Variants in DLGAP2 observed in about 807,000 individuals in gnomAD.
DLGAP2 encodes the protein disks large-associated protein 2.
A neutral mutation model predicts 100.3 loss-of-function variants in DLGAP2; 26 were observed. That is an observed-to-expected ratio of 0.26 (90% confidence interval 0.19 to 0.36). The LOEUF (loss-of-function observed/expected upper bound fraction) is 0.36. Ranked by LOEUF, DLGAP2 falls within the 10% of genes least tolerant of loss-of-function variation. The pLI is 1.00. For synonymous variants in DLGAP2, 886 were observed against 630.1 expected (o/e 1.41, Z -6.08); for missense variants, 1,858 against 1,453.2 (o/e 1.28, Z -4.53).
chr8:1,062,913 G>A (rs115417135), intron 2 of DLGAP2, among the ~76,000 whole-genome samples: 2,680 of 152,270 alleles, frequency 0.018, 47 homozygotes, highest in African/African-American at 0.039. Flanking sequence ...AATTTGTAAC[G>A]CAGGAGCTGT....
chr8:1,469,388 G>A (rs1344621574), intron 3 of DLGAP2, among the ~76,000 whole-genome samples: 5 of 152,208 alleles, frequency 3.3e-5, no homozygotes, highest in Non-Finnish European at 7.3e-5. Flanking sequence ...CTGTTAATGC[G>A]TGGCCACCAT....
At chr8:997,097 G>A (rs1224491356) in intron 2 of DLGAP2, among the ~76,000 whole-genome samples, 3 of 152,126 alleles carry the variant, frequency 2.0e-5, no homozygotes, top group African/African-American at 2.4e-5. Context: ...TTTGTTCATT[G>A]TATGAAAATT....
At chr8:1,662,572 A>G (rs1433950445) in intron 8 of DLGAP2, among the ~76,000 whole-genome samples, 2 of 152,230 alleles carry the variant, frequency 1.3e-5, no homozygotes, top group Non-Finnish European at 2.9e-5. Context: ...ATAACCAACA[A>G]CTGGAGAAGC....
intron 3 of DLGAP2, among the ~76,000 whole-genome samples, chr8:1,353,234 T>C (rs1041237383): frequency 3.3e-5 from 5 of 152,206 alleles, no homozygotes; most frequent in African/African-American, 1.2e-4. Flanking sequence ...AGCACAGGGC[T>C]GTGTGTGCAC....
chr8:1,525,510 C>G (rs991037786), intron 4 of DLGAP2, among the ~76,000 whole-genome samples: 3 of 152,196 alleles, frequency 2.0e-5, no homozygotes, highest in Non-Finnish European at 4.4e-5. Context: ...GGGCAGACCC[C>G]AAAGCTGCGG....
intron 4 of DLGAP2, among the ~76,000 whole-genome samples, chr8:1,542,996 C>T (rs773324143): frequency 5.9e-5 from 9 of 152,090 alleles, no homozygotes; most frequent in South Asian, 2.1e-4. Flanking sequence ...GCTCTTTCGC[C>T]GTTAGGACAT....
chr8:1,651,465 G>C (rs1798161989), intron 8 of DLGAP2, among the ~76,000 whole-genome samples: 1 of 152,192 alleles, frequency 6.6e-6, no homozygotes, highest in South Asian at 2.1e-4. Context: ...CAAGAGACTG[G>C]AAGTTCCTGG....
chr8:1,244,643 C>T (rs921469418), intron 2 of DLGAP2, among the ~76,000 whole-genome samples: 7 of 151,766 alleles, frequency 4.6e-5, no homozygotes, highest in Non-Finnish European at 1.0e-4. Context: ...CAAAATGGGT[C>T]GAAGACCTAA....
At chr8:1,033,950 C>T (rs191231867) in intron 2 of DLGAP2, among the ~76,000 whole-genome samples, 3,242 of 84,640 alleles carry the variant, frequency 0.038, 254 homozygotes, top group Non-Finnish European at 0.061. Context: ...TGGACTCACA[C>T]GCTCATCCCG....
chr8:1,233,170 C>A (rs1374579864), intron 2 of DLGAP2, among the ~76,000 whole-genome samples: 1 of 152,074 alleles, frequency 6.6e-6, no homozygotes, highest in East Asian at 1.9e-4. Flanking sequence ...TTGGATATAC[C>A]CCATTGTATT....
At chr8:1,677,024 A>C (rs945113705) in intron 11 of DLGAP2, among the ~76,000 whole-genome samples, 9 of 152,242 alleles carry the variant, frequency 5.9e-5, no homozygotes, top group African/African-American at 2.2e-4. Context: ...GTTTCACTTC[A>C]AAAATATTAC....
At chr8:871,851 G>A (rs1472580378) in intron 1 of DLGAP2, among the ~76,000 whole-genome samples, 2 of 152,140 alleles carry the variant, frequency 1.3e-5, no homozygotes, top group African/African-American at 4.8e-5. Flanking sequence ...CCACCTACTT[G>A]TTGGCATGTA....
intron 12 of DLGAP2, among the ~76,000 whole-genome samples, chr8:1,683,063 A>G (rs1798999825): frequency 6.6e-6 from 1 of 151,726 alleles, no homozygotes; most frequent in Admixed American, 6.6e-5. Flanking sequence ...AAATGATGCA[A>G]CAATGAGTAA....
chr8:1,606,771 C>A (rs1030467777), intron 6 of DLGAP2, among the ~76,000 whole-genome samples: 4 of 152,196 alleles, frequency 2.6e-5, no homozygotes, highest in Admixed American at 2.0e-4. Flanking sequence ...CAACCTCCGC[C>A]CCCTGAGCTC....
At chr8:1,080,424 G>T (rs1323004832) in intron 2 of DLGAP2, among the ~76,000 whole-genome samples, 1 of 152,230 alleles carries the variant, frequency 6.6e-6, no homozygotes, top group Non-Finnish European at 1.5e-5. Flanking sequence ...TTAGAAAATC[G>T]CCATCAGCCT....
At chr8:1,391,552 G>A (rs1366211010) in intron 3 of DLGAP2, among the ~76,000 whole-genome samples, 1 of 152,170 alleles carries the variant, frequency 6.6e-6, no homozygotes, top group Non-Finnish European at 1.5e-5. Flanking sequence ...ATCAGTTGGA[G>A]CGCTACCAGC....
intron 3 of DLGAP2, among the ~76,000 whole-genome samples, chr8:1,442,925 C>A (rs1293820223): frequency 1.3e-5 from 2 of 152,246 alleles, no homozygotes; most frequent in African/African-American, 4.8e-5. Context: ...TTGCTTACAT[C>A]TTTTACCGTA....
At chr8:1,193,214 T>C (rs1041846614) in intron 2 of DLGAP2, among the ~76,000 whole-genome samples, 2 of 152,132 alleles carry the variant, frequency 1.3e-5, no homozygotes, top group Admixed American at 6.5e-5. Flanking sequence ...GGTCAAATGG[T>C]ATTTCTAGTT....
chr8:1,064,545 A>G (rs535949562), intron 2 of DLGAP2, among the ~76,000 whole-genome samples: 66 of 152,332 alleles, frequency 4.3e-4, no homozygotes, highest in African/African-American at 1.5e-3. Flanking sequence ...TAACCTCAAA[A>G]CCACCTGCAG....
Sources: allele counts gnomAD v4.1 joint callset (sites outside exome capture counted in the v4.1 genomes callset), GRCh38; gene constraint gnomAD v4.1.1; transcripts MANE v1.5; gene names NCBI Gene and HGNC (gene_info 2026-07-23, HGNC 2026-07-21).